The following KCNMA1 variants were observed in gnomAD, a reference collection of about 807,000 sequenced individuals.
The protein encoded by KCNMA1 is Calcium-activated potassium channel subunit alpha-1.
KCNMA1 carries 29 observed loss-of-function variants against 140.0 expected under a neutral mutation model. The ratio of observed to expected loss-of-function variants is 0.21; its 90% confidence interval spans 0.15 to 0.28. The LOEUF is 0.28. Among genes scored for constraint, KCNMA1 ranks in the 10% least tolerant of loss-of-function variants. The probability of loss-of-function intolerance (pLI) is 1.00; values close to 1 mark genes in which losing one functional copy is unlikely to be tolerated. For synonymous variants in KCNMA1, 612 were observed against 611.9 expected (o/e 1.00, Z 0.00); for missense variants, 880 against 1,602.2 (o/e 0.55, Z 7.70).
At chr10:77,587,934 G>C in intron 1 of KCNMA1, 1 of 869,868 alleles carries the variant, frequency 1.1e-6, no homozygotes, top group African/African-American at 1.8e-5. Flanking sequence ...GGAGACATAA[G>C]CAGAGTCCCA....
chr10:77,149,962 T>C (rs1036538486), intron 5 of KCNMA1: 1 of 152,232 alleles, frequency 6.6e-6, no homozygotes, highest in Non-Finnish European at 1.5e-5. Flanking sequence ...GCAGGGATTC[T>C]TGATCTCTGC....
chr10:77,034,234 A>G (rs897329249), intron 15 of KCNMA1, among the ~76,000 whole-genome samples: 1 of 138,814 alleles, frequency 7.2e-6, no homozygotes, highest in Admixed American at 7.6e-5. Context: ...ACAGAGTGAG[A>G]CTCCATCTCA....
At chr10:77,556,540 C>T (rs555055194) in intron 1 of KCNMA1, among the ~76,000 whole-genome samples, 1 of 149,356 alleles carries the variant, frequency 6.7e-6, no homozygotes, top group Non-Finnish European at 1.5e-5. Flanking sequence ...AATTCTATGC[C>T]CTGTAAAGTG....
chr10:77,383,497 G>C (rs2095498303), intron 2 of KCNMA1, among the ~76,000 whole-genome samples: 1 of 151,122 alleles, frequency 6.6e-6, no homozygotes, highest in African/African-American at 2.4e-5. Flanking sequence ...TAAGTATACA[G>C]CTCAGTGGTA....
chr10:77,453,962 G>A (rs934477069), intron 1 of KCNMA1, among the ~76,000 whole-genome samples: 1 of 152,106 alleles, frequency 6.6e-6, no homozygotes, highest in Admixed American at 6.5e-5. Flanking sequence ...CTCTGTAGTG[G>A]GAAAAAATTA....
At chr10:76,927,635 A>G (rs1564960155) in intron 23 of KCNMA1, among the ~76,000 whole-genome samples, 1 of 152,236 alleles carries the variant, frequency 6.6e-6, no homozygotes, top group Non-Finnish European at 1.5e-5. Context: ...CAGCTTGTCG[A>G]GAGAAAGCCC....
chr10:77,084,028 C>T (rs1272054328), intron 12 of KCNMA1, among the ~76,000 whole-genome samples: 1 of 152,094 alleles, frequency 6.6e-6, no homozygotes, highest in Non-Finnish European at 1.5e-5. Context: ...CACTAAATTC[C>T]CCTTTGGGGT....
chr10:77,300,757 G>A (rs1241832215), intron 2 of KCNMA1, among the ~76,000 whole-genome samples: 1 of 152,098 alleles, frequency 6.6e-6, no homozygotes, highest in African/African-American at 2.4e-5. Context: ...CAGCACCCCT[G>A]GGGATGTAGG....
chr10:77,414,913 C>T (rs2096706519), intron 1 of KCNMA1, among the ~76,000 whole-genome samples: 1 of 152,138 alleles, frequency 6.6e-6, no homozygotes, highest in South Asian at 2.1e-4. Flanking sequence ...TATTTTTTCT[C>T]TCTATTCCAC....
chr10:76,903,824 C>T (rs2046616954), intron 25 of KCNMA1: 2 of 152,176 alleles, frequency 1.3e-5, no homozygotes, highest in Non-Finnish European at 2.9e-5. Context: ...CAGACGGTCA[C>T]ACCCTCCAGT....
At chr10:77,101,115 A>G (rs1364440786) in intron 9 of KCNMA1, among the ~76,000 whole-genome samples, 1 of 152,144 alleles carries the variant, frequency 6.6e-6, no homozygotes, top group African/African-American at 2.4e-5. Flanking sequence ...AAGGGACTGA[A>G]GATATGGCTT....
intron 2 of KCNMA1, among the ~76,000 whole-genome samples, chr10:77,316,189 C>G (rs567734017): frequency 1.3e-5 from 2 of 152,262 alleles, no homozygotes; most frequent in East Asian, 3.9e-4. Context: ...AAAATCCCCT[C>G]TGGCCAACAG....
exon 28 of KCNMA1, chr10:76,869,978 G>A (rs2151337925): frequency 6.5e-6 from 1 of 152,690 alleles, no homozygotes; most frequent in Non-Finnish European, 1.5e-5. Flanking sequence ...TTCAACATCT[G>A]GGTGGTGGGA....
intron 1 of KCNMA1, among the ~76,000 whole-genome samples, chr10:77,412,685 G>A (rs59733240): frequency 0.031 from 4,774 of 152,310 alleles, 133 homozygotes; most frequent in African/African-American, 0.073. Context: ...GGAGGGCAGA[G>A]GAGGCAGGGC....
intron 1 of KCNMA1, among the ~76,000 whole-genome samples, chr10:77,582,643 C>G (rs1165440566): frequency 2.6e-5 from 4 of 152,232 alleles, no homozygotes; most frequent in Non-Finnish European, 5.9e-5. Context: ...ATCCGCTGCT[C>G]TAAAATCCCT....
At chr10:77,447,872 G>A (rs2097558335) in intron 1 of KCNMA1, among the ~76,000 whole-genome samples, 1 of 152,228 alleles carries the variant, frequency 6.6e-6, no homozygotes, top group African/African-American at 2.4e-5. Flanking sequence ...TGACACCACT[G>A]TAAATATTAA....
At chr10:77,472,393 CACAG>C (rs2098183772) in intron 1 of KCNMA1, among the ~76,000 whole-genome samples, 1 of 144,592 alleles carries the variant, frequency 6.9e-6, no homozygotes, top group Non-Finnish European at 1.5e-5. Flanking sequence ...ATACAAACAT[CACAG>C]ACACAGACAC....
chr10:76,927,631 G>A (rs2058090041), intron 23 of KCNMA1, among the ~76,000 whole-genome samples: 2 of 152,190 alleles, frequency 1.3e-5, no homozygotes, highest in African/African-American at 4.8e-5. Context: ...CAAACAGCTT[G>A]TCGAGAGAAA....
At chr10:77,353,614 T>C (rs1289705805) in intron 2 of KCNMA1, among the ~76,000 whole-genome samples, 4 of 151,896 alleles carry the variant, frequency 2.6e-5, no homozygotes, top group Non-Finnish European at 4.4e-5. Context: ...ACATATATAA[T>C]GCATAAAATT....
Sources: gnomAD v4.1 joint callset for allele counts (sites outside exome capture counted in the v4.1 genomes callset) on GRCh38, gnomAD v4.1.1 for gene constraint, MANE v1.5 for transcripts, NCBI Gene and HGNC (gene_info 2026-07-23, HGNC 2026-07-21) for gene names.